BICD1: variants seen among roughly 807,000 people sequenced by gnomAD.
The protein encoded by BICD1 is BICD cargo adaptor 1, also known as protein bicaudal D homolog 1.
BICD1 carries 35 observed loss-of-function variants against 92.5 expected under a neutral mutation model. The observed-to-expected ratio is 0.38, with a 90% confidence interval of 0.29 to 0.50. The LOEUF (loss-of-function observed/expected upper bound fraction) is 0.50, where lower values mean the gene tolerates loss of function less well. BICD1 is among the 20% of genes least tolerant of loss of function. The pLI, the probability that BICD1 is intolerant of heterozygous loss-of-function variation, is 0.93. For missense variants in BICD1, 950 were observed against 1,189.8 expected (o/e 0.80, Z 2.97); for synonymous variants, 429 against 465.1 (o/e 0.92, Z 1.00).
At chr12:32,177,621 G>A (rs1235876998) in intron 1 of BICD1, among the ~76,000 whole-genome samples, 1 of 135,650 alleles carries the variant, frequency 7.4e-6, no homozygotes, top group Non-Finnish European at 1.6e-5. Flanking sequence ...GGCGGAGGTG[G>A]TTAAGGGGAG....
Position 32,305,741 on chromosome 12 carries a change from G to T in BICD1, c.624G>T (p.Glu208Asp). ...AGCATGAGATTAAGCGATTTGAGGA[G>T]GAGACGGTACTGCTGAACAGCCAGC... ...GLKHEIKRFE[E>D]ETVLLNSQLE... Residue 208 changes from glutamate to aspartate, a missense_variant, in exon 4 of 10, where the codon GAG becomes GAT. Around this residue, in one of 5 missense-constraint regions of BICD1, gnomAD observed 246 missense variants for 258.4 expected, o/e 0.95. Coordinates refer to ENST00000652176, the MANE Select transcript of BICD1 (RefSeq NM_001714.4). 1 of 1,614,040 alleles carries T rather than the reference G, an allele frequency of 6.2e-7. No individual in the cohort carries two copies. Among genetic ancestry groups the T allele is most frequent in the South Asian group, 1.1e-5 (1 of 91,076 alleles).
At chr12:32,184,713 A>G (rs1462574747) in intron 1 of BICD1, among the ~76,000 whole-genome samples, 4 of 152,246 alleles carry the variant, frequency 2.6e-5, no homozygotes, top group Admixed American at 1.3e-4. Flanking sequence ...AACTTTGGAA[A>G]AAGGTGGATG....
intron 8 of BICD1, among the ~76,000 whole-genome samples, chr12:32,361,411 G>A (rs1445509485): frequency 3.3e-5 from 5 of 151,912 alleles, no homozygotes. Context: ...AAATTAGCCA[G>A]GCATGGCAGC....
At chr12:32,108,089 A>C (rs1020409343) in intron 1 of BICD1, 2 of 241,300 alleles carry the variant, frequency 8.3e-6, no homozygotes, top group African/African-American at 4.5e-5. Flanking sequence ...CATTCTTGTC[A>C]TTGGGCTGCA....
At chr12:32,152,627 C>G (rs1943321959) in intron 1 of BICD1, among the ~76,000 whole-genome samples, 1 of 152,164 alleles carries the variant, frequency 6.6e-6, no homozygotes, top group Non-Finnish European at 1.5e-5. Flanking sequence ...CTTCTATAAC[C>G]AGGGAGACAT....
chr12:32,138,794 G>T (rs1417439185), intron 1 of BICD1, among the ~76,000 whole-genome samples: 3 of 152,018 alleles, frequency 2.0e-5, no homozygotes, highest in Non-Finnish European at 4.4e-5. Context: ...ACTATGATGG[G>T]TTTACTAGGA....
intron 2 of BICD1, among the ~76,000 whole-genome samples, chr12:32,233,050 A>G (rs1945940181): frequency 6.6e-6 from 1 of 152,206 alleles, no homozygotes; most frequent in Non-Finnish European, 1.5e-5. Flanking sequence ...CATAGGTTTA[A>G]AAAAATTATG....
In BICD1 at chr12:32,378,295, CAGT is replaced by C. The variant is rs1940057518; in HGVS notation, c.*671_*673del. 2.0e-5 allele frequency: 3 copies of C among 152,224 alleles called. No homozygotes were observed. The allele number at this position is 152,224 out of a possible 1,614,324, so 9.4% of individuals were successfully genotyped here. Reference sequence around the variant, plus strand: ...ATTGTTTAGGCACTTACTTTCTAATCAGTAGCTCATTAACTGCTGGGTTTTGTT... The same window carrying C: ...ATTGTTTAGGCACTTACTTTCTAATCAGCTCATTAACTGCTGGGTTTTGTT... On this transcript the variant is annotated 3_prime_UTR_variant, in exon 10 of 10. Coordinates refer to ENST00000652176, the MANE Select transcript of BICD1 (RefSeq NM_001714.4).
intron 1 of BICD1, chr12:32,108,368 T>G: frequency 3.7e-6 from 1 of 270,848 alleles, no homozygotes; most frequent in Non-Finnish European, 7.0e-6. Context: ...TTGGCCTCTT[T>G]TAAAGCCTGT....
intron 9 of BICD1, among the ~76,000 whole-genome samples, chr12:32,368,710 T>A (rs1208607602): frequency 6.6e-6 from 1 of 151,670 alleles, no homozygotes; most frequent in Non-Finnish European, 1.5e-5. Flanking sequence ...AAATAAAAAA[T>A]TAAAAAATAT....
chr12:32,168,461 A>G (rs1943836366), intron 1 of BICD1, among the ~76,000 whole-genome samples: 1 of 142,676 alleles, frequency 7.0e-6, no homozygotes, highest in Admixed American at 6.9e-5. Context: ...CCCGGGCTTC[A>G]TGGGAAAAGG....
At chr12:32,116,502 C>CTATATATATA (rs1433983078) in intron 1 of BICD1, among the ~76,000 whole-genome samples, 118 of 77,438 alleles carry the variant, frequency 1.5e-3, no homozygotes, top group East Asian at 3.8e-3. Context: ...TTCTCTCTCT[C>CTATATATATA]TCTCTCTCTA....
chr12:32,288,247 T>TC (rs1565644125), intron 2 of BICD1, among the ~76,000 whole-genome samples: 43 of 113,460 alleles, frequency 3.8e-4, no homozygotes, highest in African/African-American at 1.4e-3. Context: ...TTTTTTTTTT[T>TC]CTGAGACAGG....
At chr12:32,306,480 G>T (rs1047617314) in intron 4 of BICD1, among the ~76,000 whole-genome samples, 2 of 151,824 alleles carry the variant, frequency 1.3e-5, no homozygotes, top group Non-Finnish European at 2.9e-5. Flanking sequence ...TCCTGACTTC[G>T]TGATCCGCCC....
At chr12:32,177,039 G>T (rs1461501712) in intron 1 of BICD1, among the ~76,000 whole-genome samples, 1 of 151,546 alleles carries the variant, frequency 6.6e-6, no homozygotes, top group Admixed American at 6.6e-5. Flanking sequence ...TTTTGGCCGG[G>T]CATGGTGGCT....
At chr12:32,117,594 A>C (rs750190360) in intron 1 of BICD1, among the ~76,000 whole-genome samples, 2 of 151,608 alleles carry the variant, frequency 1.3e-5, no homozygotes, top group Non-Finnish European at 2.9e-5. Context: ...GCATTGAGGG[A>C]GGTCTACAGC....
At chr12:32,169,847 CAGCCTCCCAA>C (rs1943884107) in intron 1 of BICD1, among the ~76,000 whole-genome samples, 1 of 152,198 alleles carries the variant, frequency 6.6e-6, no homozygotes, top group South Asian at 2.1e-4. Flanking sequence ...GACTTGGCCT[CAGCCTCCCAA>C]AGTGCTGGGA....
intron 2 of BICD1, 36 bp downstream of exon 2, chr12:32,216,495 A>T: frequency 1.3e-6 from 2 of 1,593,376 alleles, no homozygotes; most frequent in African/African-American, 2.7e-5. Context: ...GATTTGTGAG[A>T]GGGAGAAATA....
intron 8 of BICD1, among the ~76,000 whole-genome samples, chr12:32,359,915 A>G (rs1939256408): frequency 6.6e-6 from 1 of 152,074 alleles, no homozygotes; most frequent in South Asian, 2.1e-4. Context: ...GCTGGGCGCA[A>G]TGGCTCACAC....
Sources: allele counts gnomAD v4.1 joint callset (sites outside exome capture counted in the v4.1 genomes callset), GRCh38; gene constraint gnomAD v4.1.1; regional missense constraint gnomAD v4.1.1; transcripts MANE v1.5; gene names NCBI Gene and HGNC (gene_info 2026-07-23, HGNC 2026-07-21).